LTBP1: variants seen among roughly 807,000 people sequenced by gnomAD.
The protein encoded by LTBP1 is latent-transforming growth factor beta-binding protein 1.
Under a neutral mutation model 207.6 loss-of-function variants are expected in LTBP1, and 129 were observed. The ratio of observed to expected loss-of-function variants is 0.62; its 90% CI spans 0.54 to 0.72. LTBP1 has a LOEUF of 0.72. Ranked by LOEUF, LTBP1 falls within the 30% of genes least tolerant of loss-of-function variation. The pLI is 0.00. For missense variants in LTBP1, 2,281 were observed against 2,217.2 expected, an observed-to-expected ratio of 1.03 and a Z score of -0.58; for synonymous variants, 963 against 833.7, an observed-to-expected ratio of 1.16 and a Z score of -2.67.
intron 7 of LTBP1, among the ~76,000 whole-genome samples, chr2:33,212,274 T>G (rs2090369015): frequency 6.6e-6 from 1 of 152,148 alleles, no homozygotes; most frequent in African/African-American, 2.4e-5. Context: ...GTAGCTTTGT[T>G]TGTTTTTCTT....
At chr2:32,962,248 C>A (rs894282186) in intron 2 of LTBP1, among the ~76,000 whole-genome samples, 39 of 152,280 alleles carry the variant, frequency 2.6e-4, no homozygotes, top group African/African-American at 9.4e-4. Flanking sequence ...TTTAATTCTA[C>A]CCTCCCTGGA....
Position 33,094,129 on chromosome 2 carries a change from A to C in LTBP1, c.864-16453A>C, listed in dbSNP as rs143964800. Among the ~76,000 whole-genome samples, 937 of 152,212 alleles carry C rather than the reference A, an allele frequency of 6.2e-3. 3 individuals carry two copies. Among genetic ancestry groups the C allele is most frequent in the Middle Eastern group, 0.01 (3 of 294 alleles). ...TTTTTCATATTTGCAGACTATTTACAATTTTTTTATTAATAGTTCTGCAAA... is the reference window on the plus strand; with the variant it reads ...TTTTTCATATTTGCAGACTATTTACCATTTTTTTATTAATAGTTCTGCAAA... On this transcript the variant is annotated intron_variant, in intron 3 of 33. Coordinates refer to ENST00000404816, the MANE Select transcript of LTBP1 (RefSeq NM_206943.4).
intron 9 of LTBP1, among the ~76,000 whole-genome samples, chr2:33,224,581 G>C (rs72858034): frequency 0.013 from 1,915 of 152,232 alleles, 38 homozygotes; most frequent in African/African-American, 0.044. Flanking sequence ...CTTTTAGAAA[G>C]TGTTTCGGTT....
chr2:33,110,191 A>G (rs2080313503), intron 3 of LTBP1, among the ~76,000 whole-genome samples: 1 of 152,206 alleles, frequency 6.6e-6, no homozygotes, highest in Non-Finnish European at 1.5e-5. Context: ...CCTGGGCTCA[A>G]GCGATCCTCC....
chr2:33,016,376 A>G (rs1688376741), intron 2 of LTBP1, among the ~76,000 whole-genome samples: 1 of 152,230 alleles, frequency 6.6e-6, no homozygotes, highest in African/African-American at 2.4e-5. Context: ...GCGTTTTAGA[A>G]GACTAGTCTG....
At chr2:32,979,720 C>T (rs1444753221) in intron 2 of LTBP1, among the ~76,000 whole-genome samples, 1 of 151,818 alleles carries the variant, frequency 6.6e-6, no homozygotes, top group Non-Finnish European at 1.5e-5. Flanking sequence ...AGATTAAGTC[C>T]ATGATTTCTT....
chr2:33,260,199 G>A (rs1220677488), intron 13 of LTBP1, among the ~76,000 whole-genome samples: 1 of 152,056 alleles, frequency 6.6e-6, no homozygotes, highest in Non-Finnish European at 1.5e-5. Flanking sequence ...AACATTTACT[G>A]GATCTAAGTC....
intron 26 of LTBP1, 39 bp from the exon 27 acceptor site, chr2:33,360,558 T>C (rs375423880): frequency 2.6e-5 from 35 of 1,362,676 alleles, no homozygotes; most frequent in Non-Finnish European, 3.7e-5. Context: ...GTAGTTCTGA[T>C]GTGTCCTATT....
At chr2:33,034,664 A>T (rs892220651) in intron 3 of LTBP1, among the ~76,000 whole-genome samples, 3 of 150,716 alleles carry the variant, frequency 2.0e-5, no homozygotes, top group African/African-American at 7.5e-5. Context: ...TACACAACAT[A>T]TATAACCATT....
At chr2:33,128,074 G>T (rs551397639) in intron 4 of LTBP1, among the ~76,000 whole-genome samples, 1 of 152,108 alleles carries the variant, frequency 6.6e-6, no homozygotes. Context: ...TGGGACCCTC[G>T]AGAGGAATGG....
chr2:33,124,051 A>G (rs1156385635), intron 4 of LTBP1, among the ~76,000 whole-genome samples: 4 of 152,250 alleles, frequency 2.6e-5, no homozygotes, highest in East Asian at 1.9e-4. Flanking sequence ...ACACAATAAC[A>G]TGTTTTAAAA....
chr2:33,332,372 C>CAAAAAA (rs745342264), intron 24 of LTBP1, among the ~76,000 whole-genome samples: 2 of 52,478 alleles, frequency 3.8e-5, no homozygotes, highest in Non-Finnish European at 6.5e-5. Flanking sequence ...ACACCATCTC[C>CAAAAAA]AAAAAAAAAA....
intron 16 of LTBP1, among the ~76,000 whole-genome samples, chr2:33,274,496 T>G (rs948499909): frequency 6.6e-6 from 1 of 152,180 alleles, no homozygotes; most frequent in African/African-American, 2.4e-5. Flanking sequence ...TGGTCCATAA[T>G]TTGGCTATTT....
rs539449813 is a variant in LTBP1 at position 33,327,871 on chromosome 2, A to T, written c.3730+12602A>T. 7.9e-5 allele frequency among the ~76,000 whole-genome samples: 12 copies of T among 151,856 alleles called. No individual in the cohort carries two copies. In the East Asian group the frequency reaches 2.3e-3, roughly 29 times the overall value. ...TGCATGTAGAGGGCCGGGTGCAGTG[A>T]CTCACGCCTGTAATCCCAGCACTTT... On this transcript the variant is annotated intron_variant, in intron 24 of 33. Coordinates refer to ENST00000404816, the MANE Select transcript of LTBP1 (RefSeq NM_206943.4).
rs746758502 is a variant in LTBP1, at chr2:33,398,367, T to G, written c.4988T>G (p.Val1663Gly). Residue 1663 changes from valine (V) to glycine (G), a missense_variant, in exon 34 of 34, where the codon GTA becomes GGA. Physicochemically the swap from Val to Gly is moderately radical, Grantham distance 109. Around this residue, in one of 3 missense-constraint regions of LTBP1, gnomAD observed 1,671 missense variants for 1,634.8 expected, o/e 1.02. Coordinates refer to ENST00000404816, the MANE Select transcript of LTBP1 (RefSeq NM_206943.4). ...LDTAKMTCVDVNECDELNNRM... is the reference protein window; with the variant it reads ...LDTAKMTCVDGNECDELNNRM... Reference sequence around the variant, plus strand: ...TGCATGGCTTGACTTATTGCAGATGTAAATGAATGCGATGAGTTGAACAAC... The same window carrying G: ...TGCATGGCTTGACTTATTGCAGATGGAAATGAATGCGATGAGTTGAACAAC... The G allele has an allele frequency of 1.9e-6, 3 of 1,613,434 alleles. No homozygotes were observed. The highest frequency in any genetic ancestry group is 2.5e-6 in the Non-Finnish European group (3 of 1,179,640).
At chr2:33,327,298 T>C (rs2094440125) in intron 24 of LTBP1, among the ~76,000 whole-genome samples, 1 of 152,232 alleles carries the variant, frequency 6.6e-6, no homozygotes, top group Admixed American at 6.5e-5. Flanking sequence ...ACATTCATAA[T>C]TCCAAAGCCT....
intron 32 of LTBP1, among the ~76,000 whole-genome samples, chr2:33,394,486 A>T (rs1193961917): frequency 1.3e-5 from 2 of 152,164 alleles, no homozygotes; most frequent in Non-Finnish European, 2.9e-5. Context: ...TTTTGTAAGG[A>T]AGGGATCCAG....
At chr2:33,154,432 T>C (rs2083785611) in intron 5 of LTBP1, among the ~76,000 whole-genome samples, 1 of 152,188 alleles carries the variant, frequency 6.6e-6, no homozygotes, top group African/African-American at 2.4e-5. Flanking sequence ...CTGGCATATG[T>C]GTATATATAT....
intron 27 of LTBP1, 45 bp downstream of exon 27, chr2:33,360,824 A>AAG (rs756561214): frequency 1.3e-6 from 2 of 1,567,126 alleles, no homozygotes; most frequent in Admixed American, 3.3e-5. Flanking sequence ...GTTTGGTCAC[A>AAG]TGGTGTCCCT....
Sources: gnomAD v4.1 joint callset for allele counts (sites outside exome capture counted in the v4.1 genomes callset) on GRCh38, gnomAD v4.1.1 for gene constraint, gnomAD v4.1.1 regional missense constraint, MANE v1.5 for transcripts, NCBI Gene and HGNC (gene_info 2026-07-23, HGNC 2026-07-21) for gene names.